Variants in TTN observed in about 807,000 individuals in gnomAD.
TTN encodes the protein titin.
A neutral mutation model predicts 3,223.0 loss-of-function variants in TTN; 1,525 were observed. The ratio of observed to expected loss-of-function variants is 0.47; its 90% CI spans 0.45 to 0.49. TTN has a LOEUF of 0.49. TTN is among the 20% of genes least tolerant of loss of function. The pLI, the probability that TTN is intolerant of heterozygous loss-of-function variation, is 0.00. For missense variants in TTN, 40,786 were observed against 43,424.0 expected (o/e 0.94, Z 5.40); for synonymous variants, 14,094 against 15,161.0 (o/e 0.93, Z 5.17).
chr2:178,779,278 C>G lies in TTN; in HGVS notation c.3914G>C (p.Gly1305Ala), dbSNP rs1357320718. ...CTTGCAATGAAAAGTGACACCCATC[C>G]CCTCAAGAATTCTATAATTCTTGAT... ...SRIKNYRILE[G>A]MGVTFHCKMS... Residue 1305 changes from glycine to alanine, a missense_variant, in exon 23 of 363, where the codon GGG (glycine) becomes GCG (alanine). By Grantham distance (60) the Gly-to-Ala change is moderately conservative (BLOSUM62 0). Coordinates refer to ENST00000589042, the MANE Select transcript of TTN (RefSeq NM_001267550.2). 6.2e-7 allele frequency: 1 copy of G among 1,613,794 alleles called. No individual in the cohort carries two copies. The highest frequency in any genetic ancestry group is 8.5e-7 in the Non-Finnish European group (1 of 1,179,822).
rs971287235 is a variant in TTN at position 178,539,772 on chromosome 2, C to T, written c.98293G>A (p.Ala32765Thr). 1 of 1,613,718 alleles carries T rather than the reference C, an allele frequency of 6.2e-7. No homozygotes were observed. The highest frequency in any genetic ancestry group is 8.5e-7 in the Non-Finnish European group (1 of 1,179,788). Reference protein sequence around the residue: ...ETHTELVIKEADRGDSGTYDL... With the variant: ...ETHTELVIKETDRGDSGTYDL... Reference sequence around the variant, plus strand: ...TAAGTGCCAGAATCACCCCTGTCTGCTTCTTTGATCACAAGCTCAGTGTGT... The same window carrying T: ...TAAGTGCCAGAATCACCCCTGTCTGTTTCTTTGATCACAAGCTCAGTGTGT... Residue 32765 changes from alanine (A) to threonine (T), a missense_variant, in exon 352 of 363, where the codon GCA becomes ACA. Coordinates refer to ENST00000589042, the MANE Select transcript of TTN (RefSeq NM_001267550.2).
intron 47 of TTN, chr2:178,748,849 C>T (rs2084478072): frequency 1.9e-6 from 3 of 1,612,108 alleles, no homozygotes; most frequent in Non-Finnish European, 2.5e-6. Context: ...TATTTGGAGA[C>T]ATTTTCTCTG....
rs774885355 is a variant in TTN, at chr2:178,553,348, G to A, written c.89552C>T (p.Ala29851Val). 5.0e-6 allele frequency: 8 copies of A among 1,601,414 alleles called. No individual in the cohort carries two copies. Among genetic ancestry groups the A allele is most frequent in the Non-Finnish European group, 6.8e-6 (8 of 1,176,072 alleles). ...CACTTGTACATCTTCACCAGCTTTG[G>A]CAATAACAGAAGTTCTGAGAGCCAC... ...LDVALRTSVIAKAGEDVQVLI... is the reference protein window; with the variant it reads ...LDVALRTSVIVKAGEDVQVLI... The change falls in exon 335 of 363, where the codon GCC becomes GTC. Residue 29851 changes from alanine to valine, a missense_variant. Coordinates refer to ENST00000589042, the MANE Select transcript of TTN (RefSeq NM_001267550.2).
At position 178,547,820 on chromosome 2, in the gene TTN, T is replaced by A. The variant is rs368404585; in HGVS notation, c.93806A>T (p.Asp31269Val). ...TDRVSITTTKDRTTLTVKDSM... is the reference protein window; with the variant it reads ...TDRVSITTTKVRTTLTVKDSM... The stretch of plus-strand genomic sequence containing the variant: ...GTCCTTTACAGTCAGTGTGGTTCTG[T>A]CTTTTGTTGTTGTAATGCTCACTCG... Residue 31269 changes from aspartate to valine, a missense_variant, in exon 339 of 363, where the codon GAC becomes GTC. Coordinates refer to ENST00000589042, the MANE Select transcript of TTN (RefSeq NM_001267550.2). 1.2e-6 allele frequency: 2 copies of A among 1,613,788 alleles called. No homozygotes were observed. Among genetic ancestry groups the A allele is most frequent in the Non-Finnish European group, 1.7e-6 (2 of 1,179,848 alleles).
chr2:178,641,194 C>T, intron 220 of TTN, 47 bp downstream of exon 220: 1 of 1,252,464 alleles, frequency 8.0e-7, no homozygotes, highest in Non-Finnish European at 1.1e-6. Context: ...TGTTAAATGT[C>T]CATTTTGTTA....
chr2:178,597,682 G>A lies in TTN; in HGVS notation c.57400C>T (p.Pro19134Ser), dbSNP rs1327049229. Residue 19134 changes from proline (P) to serine (S), a missense_variant, in exon 294 of 363, where the codon CCT becomes TCT. Coordinates refer to ENST00000589042, the MANE Select transcript of TTN (RefSeq NM_001267550.2). ...GTGGTCTCAATGGTGGCTTCTTGAG[G>A]TAAGGTTCTTTCATTCATGTTCCAG... ...VTWNMNERTL[P>S]QEATIETTAI... 1.2e-6 allele frequency: 2 copies of A among 1,613,334 alleles called. No homozygotes were observed. The highest frequency in any genetic ancestry group is 1.1e-5 in the South Asian group (1 of 91,064).
chr2:178,617,846 G>A lies in TTN; in HGVS notation c.47505C>T (p.Ala15835=). Residue 15835 remains alanine, a synonymous_variant, in exon 253 of 363, where the codon GCC becomes GCT. Transcript: ENST00000589042. Reference sequence around the variant, plus strand: ...GTTTTCCAACTCCAATTCGATTTTGGGCTCTCACTCGGAAACTGTACTCCT... The same window carrying A: ...GTTTTCCAACTCCAATTCGATTTTGAGCTCTCACTCGGAAACTGTACTCCT... The part of the protein sequence containing the change: ...EGQEYSFRVR[A]QNRIGVGKPS... 3 of 1,612,492 alleles carry A rather than the reference G, an allele frequency of 1.9e-6. No homozygotes were observed. Among genetic ancestry groups the A allele is most frequent in the South Asian group, 1.1e-5 (1 of 91,034 alleles).
At chr2:178,750,594 G>GA in intron 47 of TTN, 1 of 1,612,288 alleles carries the variant, frequency 6.2e-7, no homozygotes, top group Non-Finnish European at 8.5e-7. Flanking sequence ...GGGCGTTTTC[G>GA]AAAAGAATTT....
rs886038866 is a variant in TTN, at chr2:178,604,013, C to A, written c.54674G>T (p.Gly18225Val). The part of the protein sequence containing the change: ...RVSRAPITKV[G>V]LKGVEFNVPR... ...AACATTAAATTCCACGCCTTTCAATCCCACTTTGGTTATTGGTGCTCGGCT... is the reference window on the plus strand; with the variant it reads ...AACATTAAATTCCACGCCTTTCAATACCACTTTGGTTATTGGTGCTCGGCT... The change falls in exon 282 of 363, where the codon GGA (glycine) becomes GTA (valine). Residue 18225 changes from glycine to valine, a missense_variant. Coordinates refer to ENST00000589042, the MANE Select transcript of TTN (RefSeq NM_001267550.2). The A allele has an allele frequency of 3.7e-6, 6 of 1,612,950 alleles. No homozygotes were observed. Among genetic ancestry groups the A allele is most frequent in the Non-Finnish European group, 5.1e-6 (6 of 1,179,220 alleles).
At chr2:178,551,550 G>T (rs1575509071) in intron 335 of TTN, 80 bp downstream of exon 335, 1 of 1,213,428 alleles carries the variant, frequency 8.2e-7, no homozygotes. Context: ...GTGATGCAGA[G>T]AAGAAAAGCA....
At chr2:178,783,668 A>G (rs2092960258) in intron 17 of TTN, 52 bp downstream of exon 17, 2 of 1,440,364 alleles carry the variant, frequency 1.4e-6, no homozygotes, top group Non-Finnish European at 2.0e-6. Flanking sequence ...GTGTATTAAA[A>G]TGATTTGAGG....
intron 151 of TTN, 99 bp downstream of exon 151, chr2:178,674,215 G>A (rs539232345): frequency 1.9e-5 from 14 of 731,328 alleles, no homozygotes; most frequent in East Asian, 1.7e-4. Flanking sequence ...TCATGGATAC[G>A]ATATAAGAAA....
chr2:178,678,785 A>G lies in TTN; in HGVS notation c.33788T>C (p.Val11263Ala), dbSNP rs748148683. Residue 11263 changes from valine (V) to alanine (A), a missense_variant, in exon 143 of 363, where the codon GTA (valine) becomes GCA (alanine). Transcript: ENST00000589042. Reference protein sequence around the residue: ...KKPVPEEKVPVPVPKKVEAPP... With the variant: ...KKPVPEEKVPAPVPKKVEAPP... ...AGCTTCCACCTTTTTAGGAACTGGT[A>G]CTGGTACTTTCTCCTCTGGCACAGG... 1.9e-6 allele frequency: 3 copies of G among 1,606,036 alleles called. No individual in the cohort carries two copies. The Admixed American group carries it at 5.1e-5, about 27-fold the overall frequency.
chr2:178,745,712 T>C (rs1414351963), intron 47 of TTN: 2 of 1,612,118 alleles, frequency 1.2e-6, no homozygotes, highest in South Asian at 1.1e-5. Flanking sequence ...TGTGCCACTT[T>C]CCTCAACAGT....
In TTN at chr2:178,728,768, T is replaced by G. The variant is rs727504206; in HGVS notation, c.19158A>C (p.Gln6386His). The change falls in exon 66 of 363, where the codon CAA becomes CAC. Residue 6386 changes from glutamine (Q) to histidine (H), a missense_variant. Transcript: ENST00000589042. ...YAFLLVQEPAQIVEKAKSVDV... is the reference protein window; with the variant it reads ...YAFLLVQEPAHIVEKAKSVDV... Reference sequence around the variant, plus strand: ...CAACTGATTTAGCTTTCTCTACGATTTGAGCTGGTTCTGTAGTAAAAATGA... The same window carrying G: ...CAACTGATTTAGCTTTCTCTACGATGTGAGCTGGTTCTGTAGTAAAAATGA... The G allele has an allele frequency of 6.3e-7, 1 of 1,599,554 alleles. No homozygotes were observed. Among genetic ancestry groups the G allele is most frequent in the Admixed American group, 1.7e-5 (1 of 59,544 alleles).
At chr2:178,757,096 C>G (rs1176072668) in intron 45 of TTN, among the ~76,000 whole-genome samples, 1 of 10,510 alleles carries the variant, frequency 9.5e-5, no homozygotes, top group African/African-American at 2.8e-4. Context: ...CTTTCTCTCT[C>G]TCCCTCTAGC....
chr2:178,600,779 A>T, intron 288 of TTN, 75 bp downstream of exon 288: 1 of 1,554,194 alleles, frequency 6.4e-7, no homozygotes, highest in Non-Finnish European at 8.9e-7. Context: ...TAGCTCTTTT[A>T]ATTGTGAACT....
At chr2:178,793,865 G>T (rs1302155567) in intron 8 of TTN, among the ~76,000 whole-genome samples, 2 of 152,196 alleles carry the variant, frequency 1.3e-5, no homozygotes, top group Admixed American at 1.3e-4. Context: ...AAGAGGATAA[G>T]GAGGAAAGCT....
At position 178,775,486 on chromosome 2, in the gene TTN, C is replaced by T. The variant is rs754781119; in HGVS notation, c.6378G>A (p.Trp2126Ter). Reference protein sequence around the residue: ...VKIERSDRIYWYWPEDNVCEL... With the variant: ...VKIERSDRIY Reference sequence around the variant, plus strand: ...CACAAACATTGTCTTCGGGCCAGTACCAGTAGATCCGGTCAGACCGTTCAA... The same window carrying T: ...CACAAACATTGTCTTCGGGCCAGTATCAGTAGATCCGGTCAGACCGTTCAA... The change falls in exon 28 of 363, where the codon TGG becomes TGA. Residue 2126 changes from tryptophan to a stop codon, truncating the protein, a stop_gained. Transcript: ENST00000589042. LOFTEE classifies it high-confidence loss of function. The T allele has an allele frequency of 6.2e-7, 1 of 1,613,964 alleles. No individual in the cohort carries two copies. Among genetic ancestry groups the T allele is most frequent in the Admixed American group, 1.7e-5 (1 of 59,992 alleles).
Sources: gnomAD v4.1 joint callset for allele counts (sites outside exome capture counted in the v4.1 genomes callset) on GRCh38, gnomAD v4.1.1 for gene constraint, MANE v1.5 for transcripts, NCBI Gene and HGNC (gene_info 2026-07-23, HGNC 2026-07-21) for gene names.